Variants in ACTR3C observed in about 807,000 individuals in gnomAD.
The protein encoded by ACTR3C is actin related protein 3C.
A neutral mutation model predicts 26.3 loss-of-function variants in ACTR3C; 18 were observed. The observed-to-expected ratio is 0.68, with a 90% CI of 0.47 to 1.01. The LOEUF (loss-of-function observed/expected upper bound fraction) is 1.01, where lower values mean the gene tolerates loss of function less well. Ranked by LOEUF, ACTR3C falls within the 50% of genes least tolerant of loss-of-function variation. The probability of loss-of-function intolerance (pLI) is 0.00; values close to 1 mark genes in which losing one functional copy is unlikely to be tolerated. For missense variants in ACTR3C, 184 were observed against 250.7 expected, an observed-to-expected ratio of 0.73 and a Z score of 1.80; for synonymous variants, 55 against 94.5, an observed-to-expected ratio of 0.58 and a Z score of 2.42.
the ACTR3C span, among the ~76,000 whole-genome samples, chr7:149,979,430 CA>C: frequency 2.0e-5 from 3 of 152,130 alleles, no homozygotes; most frequent in Admixed American, 2.0e-4. Context: ...AAAAGACAGA[CA>C]AAGACACCAA....
chr7:150,241,989 G>A (rs1177468291), downstream of ACTR3C, among the ~76,000 whole-genome samples: 12 of 152,122 alleles, frequency 7.9e-5, no homozygotes, highest in East Asian at 1.9e-4. Flanking sequence ...AGGCCGAAGC[G>A]GGCGGATCAC....
chr7:150,196,490 C>CTGT, the ACTR3C span, among the ~76,000 whole-genome samples: 1 of 152,184 alleles, frequency 6.6e-6, no homozygotes, highest in Non-Finnish European at 1.5e-5. Context: ...ATCCTACATG[C>CTGT]TGTTCACCTT....
chr7:150,156,539 TGAGA>T, the ACTR3C span, among the ~76,000 whole-genome samples: 3 of 148,640 alleles, frequency 2.0e-5, no homozygotes, highest in South Asian at 2.1e-4. Context: ...TGGTGCTTAT[TGAGA>T]GAGAGAGAGA....
chr7:149,884,267 A>G, the ACTR3C span, among the ~76,000 whole-genome samples: 3 of 152,210 alleles, frequency 2.0e-5, no homozygotes, highest in Non-Finnish European at 4.4e-5. Context: ...TAGCACTGGA[A>G]GATGAGGGCA....
At chr7:150,311,401 C>T (rs560382232) in intron 1 of ACTR3C, among the ~76,000 whole-genome samples, 2 of 152,154 alleles carry the variant, frequency 1.3e-5, no homozygotes, top group Non-Finnish European at 2.9e-5. Flanking sequence ...CGTCTAGAGG[C>T]CCTCACAATC....
At chr7:150,319,778 T>C (rs932806386) in intron 1 of ACTR3C, among the ~76,000 whole-genome samples, 3 of 152,200 alleles carry the variant, frequency 2.0e-5, no homozygotes, top group African/African-American at 4.8e-5. Flanking sequence ...TAGCAGCTAA[T>C]GTAGCTACTT....
At chr7:150,128,911 C>A in the ACTR3C span, among the ~76,000 whole-genome samples, 1 of 151,450 alleles carries the variant, frequency 6.6e-6, no homozygotes, top group East Asian at 1.9e-4. Flanking sequence ...AGCTTCCAGA[C>A]CACAGCCTAA....
chr7:150,286,236 G>A (rs574072331), intron 5 of ACTR3C, 131 bp downstream of exon 5: 1 of 1,243,568 alleles, frequency 8.0e-7, no homozygotes, highest in Non-Finnish European at 1.1e-6. Flanking sequence ...CAAACTGCAT[G>A]GGGGATGCAG....
chr7:150,200,841 A>T, the ACTR3C span, among the ~76,000 whole-genome samples: 1 of 152,260 alleles, frequency 6.6e-6, no homozygotes, highest in South Asian at 2.1e-4. Context: ...TTTCTGGCAT[A>T]TGGTACCCTC....
the ACTR3C span, among the ~76,000 whole-genome samples, chr7:150,035,916 G>GTT: frequency 7.2e-6 from 1 of 138,076 alleles, no homozygotes; most frequent in Non-Finnish European, 1.6e-5. Flanking sequence ...CCCTCGCGGG[G>GTT]GGTGCCTCGC....
chr7:150,045,816 C>T, the ACTR3C span, among the ~76,000 whole-genome samples: 2 of 152,222 alleles, frequency 1.3e-5, no homozygotes, highest in Admixed American at 6.5e-5. Flanking sequence ...CTAGCGACAC[C>T]TAGAGCCTGT....
chr7:150,003,317 G>T, the ACTR3C span, among the ~76,000 whole-genome samples: 1 of 152,302 alleles, frequency 6.6e-6, no homozygotes, highest in Admixed American at 6.5e-5. Context: ...TGTGCAGTGT[G>T]TGTGGTGTGT....
chr7:150,300,004 C>A (rs575396456), intron 1 of ACTR3C, among the ~76,000 whole-genome samples: 2 of 151,404 alleles, frequency 1.3e-5, no homozygotes, highest in South Asian at 4.2e-4. Context: ...AAGTTTAATT[C>A]AAAAATCCAA....
At chr7:149,904,689 C>G in the ACTR3C span, among the ~76,000 whole-genome samples, 1 of 148,800 alleles carries the variant, frequency 6.7e-6, no homozygotes, top group Admixed American at 6.8e-5. Context: ...AATTTTTTCC[C>G]AATTAATCTA....
chr7:149,937,272 C>G, the ACTR3C span, among the ~76,000 whole-genome samples: 1 of 141,854 alleles, frequency 7.0e-6, no homozygotes, highest in Admixed American at 7.4e-5. Context: ...TCTTTGTGCA[C>G]AAGTTCATGT....
chr7:150,042,794 C>G, the ACTR3C span, among the ~76,000 whole-genome samples: 359 of 151,336 alleles, frequency 2.4e-3, 3 homozygotes, highest in Middle Eastern at 3.4e-3. Flanking sequence ...CGTAGGCTAC[C>G]GGCCTCAGCC....
chr7:150,258,809 C>T (rs1833420180), intron 6 of ACTR3C, among the ~76,000 whole-genome samples: 1 of 150,996 alleles, frequency 6.6e-6, no homozygotes, highest in African/African-American at 2.4e-5. Context: ...CTCCATTTAA[C>T]TCATCAATTT....
At chr7:150,227,688 G>GTTTTTTTTTTTTTTTTTTTT in the ACTR3C span, among the ~76,000 whole-genome samples, 7 of 111,368 alleles carry the variant, frequency 6.3e-5, no homozygotes, top group African/African-American at 1.1e-4. Context: ...TTGTGTCTGG[G>GTTTTTTTTTTTTTTTTTTTT]TTTTTTTTTT....
chr7:150,223,092 C>T, the ACTR3C span, among the ~76,000 whole-genome samples: 2 of 152,268 alleles, frequency 1.3e-5, no homozygotes, highest in East Asian at 1.9e-4. Context: ...TGTTTATTCC[C>T]GATAAACTAC....
Sources: gnomAD v4.1 joint callset for allele counts (sites outside exome capture counted in the v4.1 genomes callset) on GRCh38, gnomAD v4.1.1 for gene constraint, MANE v1.5 for transcripts, NCBI Gene and HGNC (gene_info 2026-07-23, HGNC 2026-07-21) for gene names.